GMDS: variants seen among roughly 807,000 people sequenced by gnomAD.
GMDS encodes the protein GDP-mannose 4,6-dehydratase.
GMDS carries 20 observed loss-of-function variants against 49.9 expected under a neutral mutation model. The observed-to-expected ratio is 0.40, with a 90% confidence interval of 0.28 to 0.58. GMDS has a LOEUF of 0.58. GMDS is among the 20% of genes least tolerant of loss of function. The probability of loss-of-function intolerance (pLI) is 0.42; values close to 1 mark genes in which losing one functional copy is unlikely to be tolerated. For missense variants in GMDS, 362 were observed against 481.4 expected, an observed-to-expected ratio of 0.75 and a Z score of 2.32; for synonymous variants, 177 against 178.6, an observed-to-expected ratio of 0.99 and a Z score of 0.07.
At chr6:1,915,642 A>G (rs1761344084) in intron 7 of GMDS, among the ~76,000 whole-genome samples, 1 of 152,240 alleles carries the variant, frequency 6.6e-6, no homozygotes. Flanking sequence ...GGAGGCAGAG[A>G]GAGCATCACA....
At chr6:1,772,480 G>A (rs542845641) in intron 7 of GMDS, among the ~76,000 whole-genome samples, 2 of 152,300 alleles carry the variant, frequency 1.3e-5, no homozygotes, top group African/African-American at 2.4e-5. Flanking sequence ...TACTGGAACT[G>A]CATCCAACAA....
intron 9 of GMDS, among the ~76,000 whole-genome samples, chr6:1,659,023 A>G (rs1271458015): frequency 6.6e-6 from 1 of 152,156 alleles, no homozygotes; most frequent in Non-Finnish European, 1.5e-5. Context: ...TGGCCTTCTG[A>G]GAGTGGAAAA....
chr6:2,071,833 G>A (rs901219456), intron 4 of GMDS, among the ~76,000 whole-genome samples: 4 of 152,108 alleles, frequency 2.6e-5, no homozygotes, highest in Non-Finnish European at 2.9e-5. Context: ...GTCCAAGCTC[G>A]AGCTGCTTAT....
At chr6:1,877,101 C>A (rs551749129) in intron 7 of GMDS, among the ~76,000 whole-genome samples, 1 of 152,140 alleles carries the variant, frequency 6.6e-6, no homozygotes, top group Admixed American at 6.5e-5. Context: ...CTGACCACCA[C>A]GTCCCACCCG....
intron 4 of GMDS, among the ~76,000 whole-genome samples, chr6:1,974,430 C>T (rs955170213): frequency 1.3e-5 from 2 of 152,074 alleles, no homozygotes; most frequent in African/African-American, 4.8e-5. Context: ...AGAACAGCAA[C>T]CAGATACAGA....
chr6:1,687,435 G>A (rs1215131171), intron 9 of GMDS, among the ~76,000 whole-genome samples: 2 of 152,188 alleles, frequency 1.3e-5, no homozygotes, highest in African/African-American at 4.8e-5. Flanking sequence ...AAGGTCAGGA[G>A]CTGCATTCAG....
chr6:1,915,358 A>T (rs1761323430), intron 7 of GMDS, among the ~76,000 whole-genome samples: 1 of 152,164 alleles, frequency 6.6e-6, no homozygotes, highest in Non-Finnish European at 1.5e-5. Context: ...AGTGGCCAGG[A>T]GAGTAGGGCC....
chr6:1,689,504 C>T (rs1258044915), intron 9 of GMDS, among the ~76,000 whole-genome samples: 1 of 152,206 alleles, frequency 6.6e-6, no homozygotes, highest in Non-Finnish European at 1.5e-5. Flanking sequence ...AGAAATGACA[C>T]CACCTCTTTG....
At chr6:1,829,780 C>T (rs144255458) in intron 7 of GMDS, among the ~76,000 whole-genome samples, 9 of 152,226 alleles carry the variant, frequency 5.9e-5, no homozygotes, top group Middle Eastern at 3.4e-3. Flanking sequence ...ATTAGGTGGA[C>T]GGGGGGAATC....
At chr6:2,142,487 G>A (rs367588575) in intron 1 of GMDS, among the ~76,000 whole-genome samples, 2 of 152,308 alleles carry the variant, frequency 1.3e-5, no homozygotes, top group South Asian at 2.1e-4. Flanking sequence ...GGATGATGAA[G>A]TGGAATGGTG....
intron 7 of GMDS, among the ~76,000 whole-genome samples, chr6:1,909,779 TCAC>T (rs2113873941): frequency 6.6e-6 from 1 of 152,268 alleles, no homozygotes; most frequent in Non-Finnish European, 1.5e-5. Context: ...GGTCACATGA[TCAC>T]CACAATGAAA....
At chr6:2,159,128 G>T (rs987744347) in intron 1 of GMDS, among the ~76,000 whole-genome samples, 4 of 152,136 alleles carry the variant, frequency 2.6e-5, no homozygotes, top group African/African-American at 9.7e-5. Flanking sequence ...GTTAAACTAA[G>T]TCCAACTTTG....
At chr6:2,173,650 TA>T (rs1778130659) in intron 1 of GMDS, among the ~76,000 whole-genome samples, 1 of 152,116 alleles carries the variant, frequency 6.6e-6, no homozygotes, top group African/African-American at 2.4e-5. Flanking sequence ...CAGGAAAAAA[TA>T]ATTCCCTGAT....
intron 4 of GMDS, among the ~76,000 whole-genome samples, chr6:1,964,158 G>A (rs974928677): frequency 2.6e-5 from 4 of 152,192 alleles, no homozygotes; most frequent in African/African-American, 4.8e-5. Context: ...CCTTAAACTA[G>A]ATCTTTCTGA....
intron 4 of GMDS, among the ~76,000 whole-genome samples, chr6:2,061,921 G>C (rs1317366319): frequency 6.6e-6 from 1 of 152,002 alleles, no homozygotes; most frequent in Non-Finnish European, 1.5e-5. Flanking sequence ...ACATTAAAAG[G>C]ATTCAAATGT....
intron 7 of GMDS, among the ~76,000 whole-genome samples, chr6:1,826,031 T>C (rs2113713919): frequency 6.6e-6 from 1 of 151,906 alleles, no homozygotes. Flanking sequence ...AATAAAAAGA[T>C]AGAAAATGGT....
At chr6:1,745,657 T>C (rs961212695) in intron 7 of GMDS, among the ~76,000 whole-genome samples, 5 of 152,212 alleles carry the variant, frequency 3.3e-5, no homozygotes, top group African/African-American at 7.2e-5. Context: ...GCCTTTGACC[T>C]ATCAATTTCT....
intron 1 of GMDS, among the ~76,000 whole-genome samples, chr6:2,192,739 CAGT>C (rs1779097952): frequency 6.6e-6 from 1 of 152,346 alleles, no homozygotes; most frequent in South Asian, 2.1e-4. Flanking sequence ...TCTGACTGTG[CAGT>C]AGCCCAACCC....
intron 6 of GMDS, among the ~76,000 whole-genome samples, chr6:1,947,898 A>G (rs1398627015): frequency 6.6e-6 from 1 of 152,198 alleles, no homozygotes; most frequent in East Asian, 1.9e-4. Context: ...TTGTTCAGAG[A>G]AAACAAAGTC....
Sources: gnomAD v4.1 joint callset for allele counts (sites outside exome capture counted in the v4.1 genomes callset) on GRCh38, gnomAD v4.1.1 for gene constraint, MANE v1.5 for transcripts, NCBI Gene and HGNC (gene_info 2026-07-23, HGNC 2026-07-21) for gene names.